The following CSMD3 variants were observed in gnomAD, a reference collection of about 807,000 sequenced individuals.
CSMD3 encodes the protein CUB and Sushi multiple domains 3, also known as CUB and sushi domain-containing protein 3.
Under a neutral mutation model 435.2 loss-of-function variants are expected in CSMD3, and 177 were observed. That is an observed-to-expected ratio of 0.41 (90% CI 0.36 to 0.46). The LOEUF is 0.46. Among genes scored for constraint, CSMD3 ranks in the 20% least tolerant of loss-of-function variants. CSMD3 has a pLI of 0.34. For missense variants in CSMD3, 4,265 were observed against 4,504.6 expected (o/e 0.95, Z 1.52); for synonymous variants, 1,656 against 1,520.5 (o/e 1.09, Z -2.07).
At chr8:112,269,056 T>C (rs1817225302) in intron 59 of CSMD3, among the ~76,000 whole-genome samples, 1 of 152,154 alleles carries the variant, frequency 6.6e-6, no homozygotes, top group Non-Finnish European at 1.5e-5. Flanking sequence ...AATCAAAAAG[T>C]ATCTTCAAAC....
At chr8:112,612,729 T>G (rs1182101466) in intron 22 of CSMD3, among the ~76,000 whole-genome samples, 2 of 138,036 alleles carry the variant, frequency 1.4e-5, no homozygotes, top group African/African-American at 5.5e-5. Flanking sequence ...TTTTTTTTTT[T>G]TTTTTTTCAG....
rs1243220888 is a variant in CSMD3 at position 112,346,693 on chromosome 8, TTTTTGG to T, written c.6326-486_6326-481del. On this transcript the variant is annotated intron_variant, in intron 40 of 70. Coordinates refer to ENST00000297405, the MANE Select transcript of CSMD3 (RefSeq NM_198123.2). ...CCTTTTTTTTTTTTTTTTTTTTTTT[TTTTTGG>T]AGAAGGAGTCTCTCTGTCACCCAGG... 6.3e-4 allele frequency among the ~76,000 whole-genome samples: 34 copies of T among 53,548 alleles called. 1 individual carries two copies. Among genetic ancestry groups the T allele is most frequent in the Admixed American group, 1.8e-3 (9 of 5,082 alleles). 35.1% of individuals were successfully genotyped at this position (53,548 alleles called of 152,430 possible). A position where few individuals can be genotyped will look rare whatever the true frequency, so the allele number is the denominator to read the frequency against.
chr8:113,432,525 C>T (rs1394843696), intron 1 of CSMD3, among the ~76,000 whole-genome samples: 1 of 152,214 alleles, frequency 6.6e-6, no homozygotes, highest in Non-Finnish European at 1.5e-5. Flanking sequence ...TTAATTTCTT[C>T]TGCTCTCTCC....
chr8:112,269,770 A>G lies in CSMD3; in HGVS notation c.9509-4180T>C, dbSNP rs115643253. On this transcript the variant is annotated intron_variant, in intron 59 of 70. Transcript: ENST00000297405. ...ACATCATAGAAAATAACTTCACTAC[A>G]TTTTAAATCAAGGAATTGATTTGAG... is the stretch of plus-strand genomic sequence containing the variant. Among the ~76,000 whole-genome samples the G allele has an allele frequency of 3.2e-3, 493 of 152,308 alleles. 3 individuals are homozygous for G. Among genetic ancestry groups the G allele is most frequent in the African/African-American group, 0.011 (457 of 41,566 alleles).
chr8:113,279,392 A>G (rs1588431340), intron 2 of CSMD3, among the ~76,000 whole-genome samples: 1 of 151,502 alleles, frequency 6.6e-6, no homozygotes, highest in East Asian at 1.9e-4. Context: ...AACAATAAAT[A>G]TTTGAACTAT....
chr8:112,733,204 C>T (rs557997648), intron 13 of CSMD3, among the ~76,000 whole-genome samples: 1 of 152,040 alleles, frequency 6.6e-6, no homozygotes, highest in South Asian at 2.1e-4. Flanking sequence ...TGACTGGCTT[C>T]CCCCTTATTC....
chr8:112,731,249 T>C, intron 13 of CSMD3, among the ~76,000 whole-genome samples: 1 of 152,266 alleles, frequency 6.6e-6, no homozygotes, highest in Non-Finnish European at 1.5e-5. Context: ...ATTCTCCTTA[T>C]ATACTGAATT....
At chr8:112,397,119 C>A (rs1830919798) in intron 35 of CSMD3, among the ~76,000 whole-genome samples, 1 of 152,156 alleles carries the variant, frequency 6.6e-6, no homozygotes, top group South Asian at 2.1e-4. Flanking sequence ...TATTTTAAGA[C>A]ATGACCATTT....
At chr8:112,280,681 T>C (rs1586638301) in intron 59 of CSMD3, among the ~76,000 whole-genome samples, 2 of 152,200 alleles carry the variant, frequency 1.3e-5, no homozygotes, top group Middle Eastern at 3.4e-3. Flanking sequence ...TTCAAGGGAG[T>C]AATTTTATTA....
intron 3 of CSMD3, among the ~76,000 whole-genome samples, chr8:113,215,702 A>G (rs1404943412): frequency 6.6e-6 from 1 of 151,928 alleles, no homozygotes; most frequent in East Asian, 1.9e-4. Flanking sequence ...ACAAAAACAT[A>G]TAGCCTTGAT....
chr8:112,785,916 A>G, intron 13 of CSMD3, among the ~76,000 whole-genome samples: 1 of 152,106 alleles, frequency 6.6e-6, no homozygotes. Context: ...TCACAGAAAA[A>G]GAAAAAATAA....
chr8:112,287,620 G>T (rs1339787231), intron 57 of CSMD3, among the ~76,000 whole-genome samples: 1 of 151,976 alleles, frequency 6.6e-6, no homozygotes, highest in Non-Finnish European at 1.5e-5. Context: ...ACTGAATTCT[G>T]CAATTTGCAT....
intron 38 of CSMD3, among the ~76,000 whole-genome samples, chr8:112,374,381 GT>G (rs1828743513): frequency 6.6e-6 from 1 of 151,316 alleles, no homozygotes; most frequent in African/African-American, 2.4e-5. Context: ...TATCCTTTCA[GT>G]TTTCTATTTA....
intron 27 of CSMD3, among the ~76,000 whole-genome samples, chr8:112,529,433 C>T (rs59711201): frequency 0.17 from 25,193 of 151,984 alleles, 2,477 homozygotes; most frequent in Middle Eastern, 0.34. Context: ...ACAAAAAGTA[C>T]AAAAATTAGC....
intron 13 of CSMD3, among the ~76,000 whole-genome samples, chr8:112,765,539 G>A (rs2077957265): frequency 1.3e-5 from 2 of 151,568 alleles, no homozygotes; most frequent in Non-Finnish European, 3.0e-5. Flanking sequence ...TGATTACATC[G>A]TTTTCTATAT....
At chr8:112,475,106 A>T (rs912047843) in intron 31 of CSMD3, among the ~76,000 whole-genome samples, 1 of 152,136 alleles carries the variant, frequency 6.6e-6, no homozygotes, top group African/African-American at 2.4e-5. Flanking sequence ...GTGCTCCAGA[A>T]TTAAAATTAT....
chr8:112,849,119 A>G (rs1482809091), intron 11 of CSMD3, among the ~76,000 whole-genome samples: 1 of 152,134 alleles, frequency 6.6e-6, no homozygotes. Flanking sequence ...TAAGACTTCT[A>G]CTAAGCTAGC....
intron 1 of CSMD3, among the ~76,000 whole-genome samples, chr8:113,360,504 A>G (rs1467807109): frequency 6.6e-6 from 1 of 152,156 alleles, no homozygotes; most frequent in Non-Finnish European, 1.5e-5. Flanking sequence ...CACATGTAAA[A>G]GTGATGACAC....
Position 112,224,421 on chromosome 8 carries a change from TAAACCCAG to T in CSMD3, c.*342_*349del. The stretch of plus-strand genomic sequence containing the variant: ...TATTTCTACCCTATATCTTTTTTTT[TAAACCCAG>T]TCCCTCTAATATAGTTTATAAAGCA... On this transcript the variant is annotated 3_prime_UTR_variant, in exon 71 of 71. Transcript: ENST00000297405. 6 of 310,840 alleles carry T rather than the reference TAAACCCAG, an allele frequency of 1.9e-5. No individual in the cohort carries two copies. Among genetic ancestry groups the T allele is most frequent in the African/African-American group, 8.6e-5 (4 of 46,572 alleles). The allele number at this position is 310,840 out of a possible 1,614,324, so 19.3% of individuals were successfully genotyped here. A position where few individuals can be genotyped will look rare whatever the true frequency, so the allele number is the denominator to read the frequency against.
Sources: allele counts gnomAD v4.1 joint callset (sites outside exome capture counted in the v4.1 genomes callset), GRCh38; gene constraint gnomAD v4.1.1; transcripts MANE v1.5; gene names NCBI Gene and HGNC (gene_info 2026-07-23, HGNC 2026-07-21).